The following CLSTN3 variants were observed in gnomAD, a reference collection of about 807,000 sequenced individuals.
The protein encoded by CLSTN3 is calsyntenin-3.
A neutral mutation model predicts 95.9 loss-of-function variants in CLSTN3; 36 were observed. The ratio of observed to expected loss-of-function variants is 0.38; its 90% confidence interval spans 0.29 to 0.50. The LOEUF is 0.50. Ranked by LOEUF, CLSTN3 falls within the 20% of genes least tolerant of loss-of-function variation. CLSTN3 has a pLI of 0.95. For missense variants in CLSTN3, 1,084 were observed against 1,268.8 expected (o/e 0.85, Z 2.21); for synonymous variants, 481 against 504.0 (o/e 0.95, Z 0.61).
Position 7,157,400 on chromosome 12 carries a change from G to C in CLSTN3, c.2528-89G>C. 1 of 1,176,380 alleles carries C rather than the reference G, an allele frequency of 8.5e-7. No homozygotes were observed. 72.9% of individuals were successfully genotyped at this position (1,176,380 alleles called of 1,614,324 possible). The stretch of plus-strand genomic sequence containing the variant: ...TTCTGCCCTGGGAGTCCTTCAGCCC[G>C]GGCTGCCTCTTTTCCTACCCAGCCC... On this transcript the variant is annotated intron_variant, in intron 16 of 17. Coordinates refer to ENST00000266546, the MANE Select transcript of CLSTN3 (RefSeq NM_014718.4). The surrounding 1 kb of genome is among the most constrained non-coding windows in gnomAD (Gnocchi z 5.9).
Position 7,157,938 on chromosome 12 carries a change from C to T in CLSTN3, c.2731-3C>T. The T allele has an allele frequency of 6.4e-7, 1 of 1,550,730 alleles. No individual in the cohort carries two copies. Among genetic ancestry groups the T allele is most frequent in the Non-Finnish European group, 8.7e-7 (1 of 1,146,914 alleles). ...CCTTCTCCTCTCTGTTCCTGCCCTCCAGTCCTACCAGAATCGGCAGTCCTG... is the reference window on the plus strand; with the variant it reads ...CCTTCTCCTCTCTGTTCCTGCCCTCTAGTCCTACCAGAATCGGCAGTCCTG... On this transcript the variant is annotated splice_region_variant and splice_polypyrimidine_tract_variant and intron_variant, in intron 17 of 17. Coordinates refer to ENST00000266546, the MANE Select transcript of CLSTN3 (RefSeq NM_014718.4). This position sits in a 1 kb window ranked among gnomAD's most constrained non-coding sequence, Gnocchi z 5.9.
Position 7,133,906 on chromosome 12 carries a change from C to A in CLSTN3, c.383+138C>A. On this transcript the variant is annotated intron_variant, in intron 3 of 17. Coordinates refer to ENST00000266546, the MANE Select transcript of CLSTN3 (RefSeq NM_014718.4). The surrounding 1 kb of genome is among the most constrained non-coding windows in gnomAD (Gnocchi z 4.7). ...TTCCTAGGACTTAGGGAGCCCCATC[C>A]CCTGCTGTTCCTAGGATTTAGGGAC... is the stretch of plus-strand genomic sequence containing the variant. The A allele has an allele frequency of 1.5e-6, 1 of 670,118 alleles. No individual in the cohort carries two copies. The highest frequency in any genetic ancestry group is 2.5e-6 in the Non-Finnish European group (1 of 405,940). 41.5% of individuals were successfully genotyped at this position (670,118 alleles called of 1,614,324 possible).
At position 7,142,256 on chromosome 12, in the gene CLSTN3, G is replaced by A. The variant is rs75530581; in HGVS notation, c.1540+117G>A. The A allele has an allele frequency of 2.2e-3, 1,818 of 823,160 alleles. 27 individuals carry two copies. In the African/African-American group the frequency reaches 0.028, roughly 13 times the overall value. The allele number at this position is 823,160 out of a possible 1,614,324, so 51.0% of individuals were successfully genotyped here. On this transcript the variant is annotated intron_variant, in intron 10 of 17. Transcript: ENST00000266546. ...GTGACAGCCTCCTAGGCCACCAGGG[G>A]GCAGAGCCTCCAAGAAATACAGCAG...
intron 1 of CLSTN3, chr12:7,132,796 G>A (rs954067376): frequency 3.3e-6 from 2 of 611,744 alleles, no homozygotes; most frequent in African/African-American, 3.7e-5. Flanking sequence ...GTTTCCATGG[G>A]AACTGTCTAC....
At chr12:7,142,488 G>A (rs1028329302) in intron 10 of CLSTN3, among the ~76,000 whole-genome samples, 1 of 152,068 alleles carries the variant, frequency 6.6e-6, no homozygotes, top group Non-Finnish European at 1.5e-5. Context: ...CTCCCTGCAT[G>A]TCACTGGAAA....
rs150217671 is a variant in CLSTN3, at chr12:7,151,016, C to T, written c.2480C>T (p.Pro827Leu). Residue 827 changes from proline to leucine, a missense_variant, in exon 16 of 18, where the codon CCG becomes CTG. Pro to Leu is a moderately conservative substitution (Grantham distance 98). Transcript: ENST00000266546. Reference sequence around the variant, plus strand: ...TTCCTGCACCGTGGTCACCAGCCCCCGCCTGAGATGGCTGGACACAGCCTA... The same window carrying T: ...TTCCTGCACCGTGGTCACCAGCCCCTGCCTGAGATGGCTGGACACAGCCTA... ...QQFLHRGHQPPPEMAGHSLAS... is the reference protein window; with the variant it reads ...QQFLHRGHQPLPEMAGHSLAS... 39 of 1,612,272 alleles carry T rather than the reference C, an allele frequency of 2.4e-5. No individual in the cohort carries two copies. The highest frequency in any genetic ancestry group is 3.3e-4 in the Middle Eastern group (2 of 6,076).
Position 7,157,185 on chromosome 12 carries a change from G to A in CLSTN3, c.2528-304G>A, listed in dbSNP as rs1001563162. On this transcript the variant is annotated intron_variant, in intron 16 of 17. Coordinates refer to ENST00000266546, the MANE Select transcript of CLSTN3 (RefSeq NM_014718.4). The surrounding 1 kb of genome is among the most constrained non-coding windows in gnomAD (Gnocchi z 5.9). Reference sequence around the variant, plus strand: ...CCCTCTGTCCTCTGCGAATAGGGCTGTTCATGACAGTGTTGGGCAGGGAGT... The same window carrying A: ...CCCTCTGTCCTCTGCGAATAGGGCTATTCATGACAGTGTTGGGCAGGGAGT... Among the ~76,000 whole-genome samples, 2 of 152,192 alleles carry A rather than the reference G, an allele frequency of 1.3e-5. No homozygotes were observed. Among genetic ancestry groups the A allele is most frequent in the African/African-American group, 4.8e-5 (2 of 41,434 alleles).
intron 16 of CLSTN3, among the ~76,000 whole-genome samples, chr12:7,151,684 G>A (rs185343367): frequency 5.6e-4 from 85 of 152,276 alleles, no homozygotes; most frequent in Non-Finnish European, 1.0e-3. Context: ...GGTCCTTTAC[G>A]AATGGTGCAA....
intron 16 of CLSTN3, chr12:7,155,993 C>T (rs372272883): frequency 1.9e-4 from 65 of 341,756 alleles, no homozygotes; most frequent in African/African-American, 9.2e-4. Context: ...CGCTTCCCTA[C>T]GCTCTGCTCT....
At chr12:7,146,495 T>C (rs1402161715) in intron 12 of CLSTN3, among the ~76,000 whole-genome samples, 1 of 152,136 alleles carries the variant, frequency 6.6e-6, no homozygotes, top group African/African-American at 2.4e-5. Context: ...CTCATGTTCC[T>C]CTACTCCCCT....
At chr12:7,138,129 C>T (rs779418176) in intron 8 of CLSTN3, 62 bp downstream of exon 8, 159 of 1,296,820 alleles carry the variant, frequency 1.2e-4, no homozygotes, top group Admixed American at 3.0e-4. Context: ...TAGGAAAGGA[C>T]CTTCTCTGGG....
chr12:7,146,782 A>AT (rs1939628009), intron 12 of CLSTN3, among the ~76,000 whole-genome samples: 1 of 152,188 alleles, frequency 6.6e-6, no homozygotes, highest in Non-Finnish European at 1.5e-5. Context: ...TCCCCTTGGG[A>AT]TTCCCAGACC....
At chr12:7,132,687 A>G in intron 1 of CLSTN3, 1 of 567,222 alleles carries the variant, frequency 1.8e-6, no homozygotes, top group Non-Finnish European at 3.1e-6. Flanking sequence ...CCCTGTCTCC[A>G]TTCTCTAGCA....
At chr12:7,154,445 G>A (rs1022433661) in intron 16 of CLSTN3, among the ~76,000 whole-genome samples, 6 of 152,176 alleles carry the variant, frequency 3.9e-5, no homozygotes, top group Non-Finnish European at 8.8e-5. Flanking sequence ...CTGTAAAAGG[G>A]ATTTTTGGAT....
At position 7,137,357 on chromosome 12, in the gene CLSTN3, C is replaced by G. The variant is rs972829120; in HGVS notation, c.1210+247C>G. On this transcript the variant is annotated intron_variant, in intron 7 of 17. Transcript: ENST00000266546. The surrounding 1 kb of genome is among the most constrained non-coding windows in gnomAD (Gnocchi z 4.4). ...GTTTTCAGTTGCCCAGTCAACTTCTCTGTGTCCCACCATGTGGTAGGCTGT... is the reference window on the plus strand; with the variant it reads ...GTTTTCAGTTGCCCAGTCAACTTCTGTGTGTCCCACCATGTGGTAGGCTGT... The G allele has an allele frequency of 2.0e-5, 10 of 510,228 alleles. No individual in the cohort carries two copies. The highest frequency in any genetic ancestry group is 5.2e-4 in the Middle Eastern group (1 of 1,922). 31.6% of individuals were successfully genotyped at this position (510,228 alleles called of 1,614,324 possible). A position where few individuals can be genotyped will look rare whatever the true frequency, so the allele number is the denominator to read the frequency against.
chr12:7,137,177 C>T lies in CLSTN3; in HGVS notation c.1210+67C>T, dbSNP rs1436748418. ...CTTCTTGTCCCGCCTCTGTCACTGC[C>T]CAGTGTGTGACTGTGAACAGGTCAC... On this transcript the variant is annotated intron_variant, in intron 7 of 17. Coordinates refer to ENST00000266546, the MANE Select transcript of CLSTN3 (RefSeq NM_014718.4). This position sits in a 1 kb window ranked among gnomAD's most constrained non-coding sequence, Gnocchi z 4.4. The T allele has an allele frequency of 6.6e-7, 1 of 1,504,700 alleles. No homozygotes were observed. Among genetic ancestry groups the T allele is most frequent in the Non-Finnish European group, 9.0e-7 (1 of 1,113,752 alleles). The allele number at this position is 1,504,700 out of a possible 1,614,324, so 93.2% of individuals were successfully genotyped here.
At position 7,143,293 on chromosome 12, in the gene CLSTN3, G is replaced by T. The variant is rs765424120; in HGVS notation, c.1829G>T (p.Arg610Leu). ...GCCACGCCCGGCGTCAGGCCCCTGC[G>T]CCTCACCACTGCTGTCAAGTGAGTG... ...RFATPGVRPLRLTTAVKCFSE... is the reference protein window; with the variant it reads ...RFATPGVRPLLLTTAVKCFSE... Residue 610 changes from arginine (R) to leucine (L), a missense_variant, in exon 12 of 18, where the codon CGC becomes CTC. By Grantham distance (102) the Arg-to-Leu change is moderately radical (BLOSUM62 -2). Coordinates refer to ENST00000266546, the MANE Select transcript of CLSTN3 (RefSeq NM_014718.4). The T allele has an allele frequency of 4.3e-6, 7 of 1,610,012 alleles. No individual in the cohort carries two copies. Among genetic ancestry groups the T allele is most frequent in the Non-Finnish European group, 5.9e-6 (7 of 1,179,836 alleles).
rs756135597 is a variant in CLSTN3, at chr12:7,133,639, CGA to C, written c.255_256del (p.Thr86ArgfsTer27). 1 of 1,614,114 alleles carries C rather than the reference CGA, an allele frequency of 6.2e-7. No homozygotes were observed. Among genetic ancestry groups the C allele is most frequent in the Non-Finnish European group, 8.5e-7 (1 of 1,179,992 alleles). Reference sequence around the variant, plus strand: ...TTTGAGGCTGTGATCCTTGACAAGGCGACAGGAGAGGGGCTGATCCGGGCCAA... The same window carrying C: ...TTTGAGGCTGTGATCCTTGACAAGGCCAGGAGAGGGGCTGATCCGGGCCAA... On this transcript the variant is annotated frameshift_variant, in exon 3 of 18. Coordinates refer to ENST00000266546, the MANE Select transcript of CLSTN3 (RefSeq NM_014718.4). LOFTEE classifies it high-confidence loss of function. The surrounding 1 kb of genome is among the most constrained non-coding windows in gnomAD (Gnocchi z 4.7).
At chr12:7,139,420 G>A (rs934193129) in intron 8 of CLSTN3, among the ~76,000 whole-genome samples, 2 of 152,160 alleles carry the variant, frequency 1.3e-5, no homozygotes, top group African/African-American at 4.8e-5. Flanking sequence ...CCTGAGGCAA[G>A]AAAGAGCTCA....
Sources: allele counts gnomAD v4.1 joint callset (sites outside exome capture counted in the v4.1 genomes callset), GRCh38; gene constraint gnomAD v4.1.1; non-coding constraint Gnocchi (gnomAD v3.1); transcripts MANE v1.5; gene names NCBI Gene and HGNC (gene_info 2026-07-23, HGNC 2026-07-21).